MAMLD1: variants seen among roughly 807,000 people sequenced by gnomAD.
The protein encoded by MAMLD1 is mastermind-like domain-containing protein 1.
MAMLD1 carries 14 observed loss-of-function variants against 45.0 expected under a neutral mutation model. The observed-to-expected ratio is 0.31, with a 90% CI of 0.21 to 0.49. MAMLD1 has a LOEUF of 0.49. Ranked by LOEUF, MAMLD1 falls within the 20% of genes least tolerant of loss-of-function variation. The pLI, the probability that MAMLD1 is intolerant of heterozygous loss-of-function variation, is 0.99. For synonymous variants in MAMLD1, 254 were observed against 247.8 expected, an observed-to-expected ratio of 1.02 and a Z score of -0.24; for missense variants, 543 against 603.6, an observed-to-expected ratio of 0.90 and a Z score of 1.05.
intron 1 of MAMLD1, among the ~76,000 whole-genome samples, chrX:150,403,125 A>G (rs2033861495): frequency 8.9e-6 from 1 of 111,757 alleles, no homozygotes; most frequent in Non-Finnish European, 1.9e-5. Context: ...TCAGCCCCCA[A>G]AGGAAATAAA....
chrX:150,403,918 A>AAAG (rs2033891153), intron 1 of MAMLD1, among the ~76,000 whole-genome samples: 956 of 94,323 alleles, frequency 0.01, 7 homozygotes, highest in Non-Finnish European at 0.015. Context: ...AAAGAAAAAG[A>AAAG]AAGAAAGACA....
intron 1 of MAMLD1, among the ~76,000 whole-genome samples, chrX:150,421,982 T>C (rs1238996867): frequency 4.5e-5 from 5 of 111,993 alleles, no homozygotes; most frequent in African/African-American, 1.6e-4. Context: ...TGGATGACCA[T>C]AGAGGAAAGC....
intron 5 of MAMLD1, among the ~76,000 whole-genome samples, chrX:150,494,594 G>A: frequency 9.1e-6 from 1 of 109,848 alleles, no homozygotes; most frequent in East Asian, 2.9e-4. Flanking sequence ...AAACCTTAGT[G>A]GCGGGGCCGG....
intron 1 of MAMLD1, among the ~76,000 whole-genome samples, chrX:150,433,390 T>TGCCCTTTATGTATTTCTC (rs1424559741): frequency 8.9e-6 from 1 of 112,111 alleles, no homozygotes; most frequent in Non-Finnish European, 1.9e-5. Flanking sequence ...CCTATTTGGA[T>TGCCCTTTATGTATTTCTC]GCCCTTTATG....
intron 2 of MAMLD1, among the ~76,000 whole-genome samples, chrX:150,448,816 C>T (rs1557404915): frequency 1.8e-5 from 2 of 111,758 alleles, no homozygotes; most frequent in African/African-American, 6.5e-5. Flanking sequence ...TGAGAGTGCT[C>T]CAGAGCCTGC....
intron 5 of MAMLD1, 77 bp from the exon 6 acceptor site, chrX:150,503,197 A>G: frequency 1.1e-6 from 1 of 934,353 alleles, no homozygotes. Context: ...CCAGCTAGAC[A>G]CTCAGGGCAG....
intron 5 of MAMLD1, among the ~76,000 whole-genome samples, chrX:150,478,081 G>T (rs1049708977): frequency 1.8e-5 from 2 of 112,181 alleles, no homozygotes; most frequent in African/African-American, 3.2e-5. Context: ...AACTTCCAAG[G>T]CTACACTAGC....
At chrX:150,458,372 A>G (rs2035935120) in intron 2 of MAMLD1, among the ~76,000 whole-genome samples, 1 of 111,820 alleles carries the variant, frequency 8.9e-6, no homozygotes, top group Admixed American at 9.4e-5. Context: ...AATATTCTGC[A>G]TGGTCTGAAG....
intron 5 of MAMLD1, among the ~76,000 whole-genome samples, chrX:150,479,376 C>G (rs1447783773): frequency 8.9e-6 from 1 of 111,844 alleles, no homozygotes; most frequent in Non-Finnish European, 1.9e-5. Flanking sequence ...TCAATAGATA[C>G]AATTTTTTTC....
chrX:150,441,578 T>G (rs1438071565), intron 1 of MAMLD1, among the ~76,000 whole-genome samples: 1 of 111,187 alleles, frequency 9.0e-6, no homozygotes, highest in East Asian at 2.8e-4. Flanking sequence ...CTTTTTAATT[T>G]CTAAGTGTTT....
chrX:150,470,303 A>G lies in MAMLD1; in HGVS notation c.730A>G (p.Ser244Gly). The change falls in exon 4 of 8, where the codon AGC becomes GGC. Residue 244 changes from serine (S) to glycine (G), a missense_variant. Physicochemically the swap from Ser to Gly is moderately conservative, Grantham distance 56 (BLOSUM62 0). Coordinates refer to ENST00000370401, the MANE Select transcript of MAMLD1 (RefSeq NM_005491.5). ...ASSKEFASSC[S>G]QVTGMSLQIP... ...CAGCAAGGAGTTTGCTTCTAGTTGCAGCCAAGTTACTGGCATGTCACTTCA... is the reference window on the plus strand; with the variant it reads ...CAGCAAGGAGTTTGCTTCTAGTTGCGGCCAAGTTACTGGCATGTCACTTCA... The G allele has an allele frequency of 8.3e-7, 1 of 1,208,503 alleles. No individual in the cohort carries two copies. The highest frequency in any genetic ancestry group is 1.1e-6 in the Non-Finnish European group (1 of 893,240).
intron 2 of MAMLD1, among the ~76,000 whole-genome samples, chrX:150,449,517 G>C (rs782282484): frequency 8.9e-6 from 1 of 111,753 alleles, no homozygotes; most frequent in Admixed American, 9.4e-5. Flanking sequence ...ATGTGACGGG[G>C]TTCAAGATTT....
At chrX:150,466,352 C>T (rs781985565) in intron 3 of MAMLD1, among the ~76,000 whole-genome samples, 2 of 112,487 alleles carry the variant, frequency 1.8e-5, no homozygotes, top group Admixed American at 1.9e-4. Context: ...CTGTTGAAAG[C>T]TCATTCCATG....
rs782096110 is a variant in MAMLD1, at chrX:150,413,486, G to A, written c.-63-31968G>A. On this transcript the variant is annotated intron_variant, in intron 1 of 7. Transcript: ENST00000370401. ...GACTGAATCAGGAATGCAAAGAGAA[G>A]CACGAGGCAGGGGAGAAGAGAAGAA... is the stretch of plus-strand genomic sequence containing the variant. Among the ~76,000 whole-genome samples the A allele has an allele frequency of 3.9e-3, 428 of 111,150 alleles. 2 individuals carry two copies. Among genetic ancestry groups the A allele is most frequent in the African/African-American group, 0.013 (408 of 30,516 alleles).
intron 1 of MAMLD1, among the ~76,000 whole-genome samples, chrX:150,363,927 G>T (rs1557400590): frequency 8.8e-6 from 1 of 113,282 alleles, no homozygotes; most frequent in Non-Finnish European, 1.9e-5. Flanking sequence ...TGTCACCGGC[G>T]ACGGTGCCTT....
At chrX:150,422,705 C>T (rs1557403612) in intron 1 of MAMLD1, among the ~76,000 whole-genome samples, 3 of 112,317 alleles carry the variant, frequency 2.7e-5, no homozygotes, top group African/African-American at 9.7e-5. Context: ...ACGTGAGCCA[C>T]TGGGCCTAGC....
At chrX:150,433,523 TA>T (rs2035023209) in intron 1 of MAMLD1, among the ~76,000 whole-genome samples, 1 of 111,750 alleles carries the variant, frequency 8.9e-6, no homozygotes, top group Non-Finnish European at 1.9e-5. Flanking sequence ...TCTGCCCATT[TA>T]GTATGATGTT....
At position 150,513,456 on chromosome X, in the gene MAMLD1, C is replaced by A; in HGVS notation, c.*1497C>A. 1 of 297,253 alleles carries A rather than the reference C, an allele frequency of 3.4e-6. No homozygotes were observed. Among genetic ancestry groups the A allele is most frequent in the Non-Finnish European group, 5.9e-6 (1 of 169,912 alleles). 24.5% of individuals were successfully genotyped at this position (297,253 alleles called of 1,213,427 possible). A position where few individuals can be genotyped will look rare whatever the true frequency, so the allele number is the denominator to read the frequency against. On this transcript the variant is annotated 3_prime_UTR_variant, in exon 8 of 8. Coordinates refer to ENST00000370401, the MANE Select transcript of MAMLD1 (RefSeq NM_005491.5). ...ACCTTGTTAAGCTAGGTGGCTGAGT[C>A]GCTTATGGTTTTAATGCAATGAGCA...
chrX:150,426,682 G>A (rs932180223), intron 1 of MAMLD1, among the ~76,000 whole-genome samples: 2 of 111,061 alleles, frequency 1.8e-5, no homozygotes, highest in African/African-American at 3.3e-5. Context: ...AAGAGCCAAG[G>A]ACTGCTCTGG....
Sources: gnomAD v4.1 joint callset for allele counts (sites outside exome capture counted in the v4.1 genomes callset) on GRCh38, gnomAD v4.1.1 for gene constraint, MANE v1.5 for transcripts, NCBI Gene and HGNC (gene_info 2026-07-23, HGNC 2026-07-21) for gene names.